ADAMTS3: variants seen among roughly 807,000 people sequenced by gnomAD.
The protein encoded by ADAMTS3 is ADAM metallopeptidase with thrombospondin type 1 motif 3.
In ADAMTS3, 73 loss-of-function variants were observed where a neutral mutation model predicts 129.0. The ratio of observed to expected loss-of-function variants is 0.57; its 90% confidence interval spans 0.47 to 0.69. The LOEUF (loss-of-function observed/expected upper bound fraction) is 0.69, where lower values mean the gene tolerates loss of function less well. Among genes scored for constraint, ADAMTS3 ranks in the 30% least tolerant of loss-of-function variants. ADAMTS3 has a pLI of 0.00. For synonymous variants in ADAMTS3, 477 were observed against 510.8 expected, an observed-to-expected ratio of 0.93 and a Z score of 0.89; for missense variants, 1,457 against 1,514.5, an observed-to-expected ratio of 0.96 and a Z score of 0.63.
At chr4:72,316,519 C>G (rs1466933804) in intron 10 of ADAMTS3, among the ~76,000 whole-genome samples, 1 of 151,932 alleles carries the variant, frequency 6.6e-6, no homozygotes, top group Non-Finnish European at 1.5e-5. Flanking sequence ...AACCCTGTCT[C>G]TACTAAAAAC....
intron 3 of ADAMTS3, among the ~76,000 whole-genome samples, chr4:72,517,271 C>T (rs142601875): frequency 5.9e-5 from 9 of 152,184 alleles, no homozygotes; most frequent in Admixed American, 5.9e-4. Flanking sequence ...CATCAATGTT[C>T]ATCAAGGATA....
intron 20 of ADAMTS3, among the ~76,000 whole-genome samples, chr4:72,290,296 CA>C (rs1718621795): frequency 6.6e-6 from 1 of 152,128 alleles, no homozygotes; most frequent in African/African-American, 2.4e-5. Context: ...AGTTGTACTG[CA>C]TTTCAGATAT....
At chr4:72,519,351 G>A (rs796091785) in intron 3 of ADAMTS3, among the ~76,000 whole-genome samples, 26 of 152,218 alleles carry the variant, frequency 1.7e-4, no homozygotes, top group African/African-American at 5.1e-4. Context: ...TCTTTGTGGT[G>A]TTCTCTGTAT....
At chr4:72,484,200 A>G (rs1316730234) in intron 3 of ADAMTS3, among the ~76,000 whole-genome samples, 1 of 152,230 alleles carries the variant, frequency 6.6e-6, no homozygotes, top group Non-Finnish European at 1.5e-5. Context: ...AGATAATAAC[A>G]AAGTTTAAAA....
intron 4 of ADAMTS3, among the ~76,000 whole-genome samples, chr4:72,346,403 T>A (rs1490664884): frequency 2.6e-5 from 4 of 152,148 alleles, no homozygotes; most frequent in African/African-American, 9.7e-5. Flanking sequence ...CAATAATGCA[T>A]TTCATGTTTA....
chr4:72,529,818 A>C (rs1275464861), intron 3 of ADAMTS3, among the ~76,000 whole-genome samples: 2 of 92,498 alleles, frequency 2.2e-5, no homozygotes, highest in South Asian at 2.7e-4. Flanking sequence ...TATATATAAT[A>C]ATACATAATA....
At chr4:72,311,229 T>C (rs775879636) in intron 13 of ADAMTS3, 48 bp from the exon 14 acceptor site, 2 of 1,525,026 alleles carry the variant, frequency 1.3e-6, no homozygotes, top group Non-Finnish European at 1.8e-6. Flanking sequence ...AAATGGAATG[T>C]TTGAACAGCA....
intron 3 of ADAMTS3, among the ~76,000 whole-genome samples, chr4:72,440,563 T>C (rs1168018468): frequency 6.6e-6 from 1 of 151,822 alleles, no homozygotes; most frequent in Non-Finnish European, 1.5e-5. Context: ...CTTCAACAAG[T>C]AGGCCTAGAG....
intron 3 of ADAMTS3, among the ~76,000 whole-genome samples, chr4:72,477,615 C>T (rs1353580291): frequency 1.3e-5 from 2 of 152,044 alleles, no homozygotes; most frequent in Non-Finnish European, 2.9e-5. Flanking sequence ...GACACCCTAA[C>T]ATCACAATTA....
chr4:72,412,192 C>T (rs954304975), intron 4 of ADAMTS3, among the ~76,000 whole-genome samples: 2 of 152,020 alleles, frequency 1.3e-5, no homozygotes, highest in African/African-American at 4.8e-5. Flanking sequence ...GGTTCTCAAA[C>T]ACATTTCATT....
At chr4:72,427,609 G>A (rs1006328455) in intron 3 of ADAMTS3, among the ~76,000 whole-genome samples, 6 of 151,610 alleles carry the variant, frequency 4.0e-5, no homozygotes, top group Non-Finnish European at 7.4e-5. Flanking sequence ...ACTCAGAGCT[G>A]GAAAACAGCA....
chr4:72,514,742 T>A (rs1460587932), intron 3 of ADAMTS3, among the ~76,000 whole-genome samples: 3 of 152,110 alleles, frequency 2.0e-5, no homozygotes, highest in Non-Finnish European at 4.4e-5. Context: ...ACCTCAAGGG[T>A]AAAACTAAAA....
intron 5 of ADAMTS3, among the ~76,000 whole-genome samples, chr4:72,325,803 T>A (rs922066401): frequency 6.6e-6 from 1 of 152,080 alleles, no homozygotes; most frequent in Non-Finnish European, 1.5e-5. Context: ...ACAGAAAGTC[T>A]TAGAATAATA....
intron 3 of ADAMTS3, among the ~76,000 whole-genome samples, chr4:72,455,919 C>CTT (rs1718553580): frequency 3.0e-5 from 3 of 98,962 alleles, no homozygotes; most frequent in African/African-American, 1.4e-4. Flanking sequence ...TGTATATATA[C>CTT]TATATATATT....
chr4:72,459,078 A>G (rs1222359537), intron 3 of ADAMTS3, among the ~76,000 whole-genome samples: 1 of 151,718 alleles, frequency 6.6e-6, no homozygotes, highest in Non-Finnish European at 1.5e-5. Flanking sequence ...ACCATTAATT[A>G]TACACAACAA....
rs1720149403 is a variant in ADAMTS3 at position 72,341,978 on chromosome 4, T to C, written c.662-2285A>G. On this transcript the variant is annotated intron_variant, in intron 4 of 21. Coordinates refer to ENST00000286657, the MANE Select transcript of ADAMTS3 (RefSeq NM_014243.3). ...GGCACTTTTTACTTATACTCATCAT[T>C]ATAATTACAGACTGCTCTGAGGCTG... Among the ~76,000 whole-genome samples the C allele has an allele frequency of 2.0e-5, 3 of 152,176 alleles. No homozygotes were observed. In the South Asian group the frequency reaches 6.2e-4, roughly 32 times the overall value.
intron 3 of ADAMTS3, among the ~76,000 whole-genome samples, chr4:72,498,726 A>G (rs1298103298): frequency 6.6e-6 from 1 of 151,904 alleles, no homozygotes; most frequent in African/African-American, 2.4e-5. Context: ...TTCTTGGAGC[A>G]TCTAGGATTC....
intron 2 of ADAMTS3, among the ~76,000 whole-genome samples, chr4:72,554,984 C>A (rs188410247): frequency 1.3e-5 from 2 of 151,766 alleles, no homozygotes; most frequent in Non-Finnish European, 2.9e-5. Flanking sequence ...ACAGTGCTTA[C>A]AACACTGTCT....
chr4:72,333,341 A>G (rs1235931960), intron 5 of ADAMTS3, among the ~76,000 whole-genome samples: 1 of 152,172 alleles, frequency 6.6e-6, no homozygotes, highest in Non-Finnish European at 1.5e-5. Flanking sequence ...TGGTACCATT[A>G]ACAAACAGAA....
Sources: allele counts gnomAD v4.1 joint callset (sites outside exome capture counted in the v4.1 genomes callset), GRCh38; gene constraint gnomAD v4.1.1; transcripts MANE v1.5; gene names NCBI Gene and HGNC (gene_info 2026-07-23, HGNC 2026-07-21).